Variants in C3orf70 observed in about 807,000 individuals in gnomAD.
The protein encoded by C3orf70 is UPF0524 protein C3orf70.
In C3orf70, 15 loss-of-function variants were observed where a neutral mutation model predicts 20.7. The ratio of observed to expected loss-of-function variants is 0.72; its 90% CI spans 0.48 to 1.11. C3orf70 has a LOEUF of 1.11. Ranked by LOEUF, C3orf70 falls within the 50% of genes most tolerant of loss-of-function variation. The pLI is 0.00. For missense variants in C3orf70, 332 were observed against 317.6 expected, an observed-to-expected ratio of 1.05 and a Z score of -0.34; for synonymous variants, 161 against 125.7, an observed-to-expected ratio of 1.28 and a Z score of -1.88.
intron 1 of C3orf70, among the ~76,000 whole-genome samples, chr3:185,084,373 CT>C (rs1346658709): frequency 6.6e-6 from 1 of 151,822 alleles, no homozygotes; most frequent in Non-Finnish European, 1.5e-5. Context: ...ATACATACAC[CT>C]ACATATTTAT....
chr3:185,081,880 C>G lies in C3orf70; in HGVS notation c.*1127G>C, dbSNP rs1243751148. On this transcript the variant is annotated 3_prime_UTR_variant, in exon 2 of 2. Coordinates refer to ENST00000335012, the MANE Select transcript of C3orf70 (RefSeq NM_001025266.3). Reference sequence around the variant, plus strand: ...ACACTGAATTCTAATCCATTCCTCACTTAAACCATACGAATGCTTCATACA... The same window carrying G: ...ACACTGAATTCTAATCCATTCCTCAGTTAAACCATACGAATGCTTCATACA... 1.3e-5 allele frequency: 2 copies of G among 152,668 alleles called. No homozygotes were observed. Among genetic ancestry groups the G allele is most frequent in the African/African-American group, 4.8e-5 (2 of 41,470 alleles). The allele number at this position is 152,668 out of a possible 1,614,324, so 9.5% of individuals were successfully genotyped here. A position where few individuals can be genotyped will look rare whatever the true frequency, so the allele number is the denominator to read the frequency against.
intron 1 of C3orf70, among the ~76,000 whole-genome samples, chr3:185,107,806 T>C (rs1715978189): frequency 6.6e-6 from 1 of 152,218 alleles, no homozygotes; most frequent in African/African-American, 2.4e-5. Context: ...TGCCTTCTCC[T>C]GCTGTAATTC....
chr3:185,136,880 A>C (rs1183219803), intron 1 of C3orf70, among the ~76,000 whole-genome samples: 1 of 151,584 alleles, frequency 6.6e-6, no homozygotes, highest in Non-Finnish European at 1.5e-5. Flanking sequence ...ACTGCACTCC[A>C]GCCTGGGTGA....
intron 1 of C3orf70, among the ~76,000 whole-genome samples, chr3:185,112,521 C>A (rs60290020): frequency 0.052 from 7,917 of 152,172 alleles, 671 homozygotes; most frequent in African/African-American, 0.18. Flanking sequence ...TTATTTAAGC[C>A]AAGTTTTTCA....
At chr3:185,091,957 A>T (rs1715597073) in intron 1 of C3orf70, among the ~76,000 whole-genome samples, 1 of 7,054 alleles carries the variant, frequency 1.4e-4, no homozygotes, top group African/African-American at 7.2e-4. Context: ...ATATATATAT[A>T]TATATATTTT....
intron 1 of C3orf70, among the ~76,000 whole-genome samples, chr3:185,104,146 C>T (rs938820146): frequency 6.6e-6 from 1 of 152,190 alleles, no homozygotes; most frequent in Non-Finnish European, 1.5e-5. Context: ...CCGCTGTGGA[C>T]AGCTTTCTTC....
intron 1 of C3orf70, among the ~76,000 whole-genome samples, chr3:185,119,219 A>G (rs1268563295): frequency 6.6e-6 from 1 of 152,228 alleles, no homozygotes; most frequent in Non-Finnish European, 1.5e-5. Context: ...AACCAAGAAC[A>G]TACCAAGTTT....
At chr3:185,148,805 C>T (rs554799199) in intron 1 of C3orf70, among the ~76,000 whole-genome samples, 1 of 152,166 alleles carries the variant, frequency 6.6e-6, no homozygotes, top group Non-Finnish European at 1.5e-5. Context: ...CTCAAAAATG[C>T]GCCATTACCC....
intron 1 of C3orf70, among the ~76,000 whole-genome samples, chr3:185,095,192 C>A (rs913574436): frequency 6.6e-6 from 1 of 152,196 alleles, no homozygotes; most frequent in Admixed American, 6.5e-5. Context: ...CCATCTCAGC[C>A]TCCTGTCCTT....
intron 1 of C3orf70, among the ~76,000 whole-genome samples, chr3:185,126,290 T>C (rs1716409266): frequency 6.6e-6 from 1 of 152,208 alleles, no homozygotes; most frequent in Non-Finnish European, 1.5e-5. Context: ...TTTGTATAGC[T>C]AACAACTTAT....
chr3:185,079,977 C>T lies in C3orf70; in HGVS notation c.*3030G>A, dbSNP rs1043435. 0.23 allele frequency: 35,249 copies of T among 152,626 alleles called. 5,146 individuals are homozygous for T. Among genetic ancestry groups the T allele is most frequent in the African/African-American group, 0.41 (17,216 of 41,500 alleles). 9.5% of individuals were successfully genotyped at this position (152,626 alleles called of 1,614,324 possible). A position where few individuals can be genotyped will look rare whatever the true frequency, so the allele number is the denominator to read the frequency against. ...ATCAGCGTTACAGAGAATTCCTTCA[C>T]ATAATATAGAACAGGCCTAGAATTT... On this transcript the variant is annotated 3_prime_UTR_variant, in exon 2 of 2. Coordinates refer to ENST00000335012, the MANE Select transcript of C3orf70 (RefSeq NM_001025266.3).
At chr3:185,114,272 T>A (rs181139486) in intron 1 of C3orf70, among the ~76,000 whole-genome samples, 278 of 152,286 alleles carry the variant, frequency 1.8e-3, no homozygotes, top group African/African-American at 6.4e-3. Flanking sequence ...AACTTTGTTT[T>A]GTTATATGTT....
intron 1 of C3orf70, among the ~76,000 whole-genome samples, chr3:185,110,983 G>C (rs1716059370): frequency 6.6e-6 from 1 of 152,076 alleles, no homozygotes; most frequent in African/African-American, 2.4e-5. Flanking sequence ...CTATATTTCT[G>C]TGTGTGTGTC....
At chr3:185,140,786 T>TA (rs34759953) in intron 1 of C3orf70, among the ~76,000 whole-genome samples, 1,874 of 94,172 alleles carry the variant, frequency 0.02, 45 homozygotes, top group South Asian at 0.051. Context: ...CCGTCTCTAC[T>TA]AAAAAAAAAA....
In C3orf70 at chr3:185,083,209, GGA is replaced by G; in HGVS notation, c.549_550del (p.Pro184LeufsTer4). The G allele has an allele frequency of 6.2e-7, 1 of 1,614,180 alleles. No homozygotes were observed. The highest frequency in any genetic ancestry group is 8.5e-7 in the Non-Finnish European group (1 of 1,180,036). On this transcript the variant is annotated frameshift_variant, in exon 2 of 2. Coordinates refer to ENST00000335012, the MANE Select transcript of C3orf70 (RefSeq NM_001025266.3). LOFTEE classifies it high-confidence loss of function. ...GATCCCAGAGTCCTCAGAACTTGAG[GGA>G]GAAGAGCAGTGATCTATTTTTGGTG...
intron 1 of C3orf70, among the ~76,000 whole-genome samples, chr3:185,100,031 A>C (rs61522885): frequency 0.052 from 7,917 of 152,290 alleles, 670 homozygotes; most frequent in African/African-American, 0.18. Flanking sequence ...TGCACCCAAC[A>C]CAGGAGCACC....
intron 1 of C3orf70, among the ~76,000 whole-genome samples, chr3:185,109,418 C>A (rs774322540): frequency 6.6e-6 from 1 of 152,090 alleles, no homozygotes; most frequent in Non-Finnish European, 1.5e-5. Flanking sequence ...AGCCAGATGC[C>A]GAGGAAGAGA....
At chr3:185,107,203 T>C (rs1715962781) in intron 1 of C3orf70, among the ~76,000 whole-genome samples, 1 of 152,186 alleles carries the variant, frequency 6.6e-6, no homozygotes, top group Non-Finnish European at 1.5e-5. Flanking sequence ...CAATTTAACA[T>C]AGCTGGAGTT....
intron 1 of C3orf70, among the ~76,000 whole-genome samples, chr3:185,107,673 C>A (rs532400552): frequency 1.3e-5 from 2 of 152,128 alleles, no homozygotes; most frequent in South Asian, 2.1e-4. Flanking sequence ...ATAGCTCCAA[C>A]ATTTTCCCCT....
Sources: gnomAD v4.1 joint callset for allele counts (sites outside exome capture counted in the v4.1 genomes callset) on GRCh38, gnomAD v4.1.1 for gene constraint, MANE v1.5 for transcripts, NCBI Gene and HGNC (gene_info 2026-07-23, HGNC 2026-07-21) for gene names.